The following RAC1 variants were observed in gnomAD, a reference collection of about 807,000 sequenced individuals.
RAC1 encodes Rac family small GTPase 1.
A neutral mutation model predicts 25.2 loss-of-function variants in RAC1; 2 were observed. That is an observed-to-expected ratio of 0.08 (90% confidence interval 0.03 to 0.25). The LOEUF is 0.25. Ranked by LOEUF, RAC1 falls within the 10% of genes least tolerant of loss-of-function variation. The pLI, the probability that RAC1 is intolerant of heterozygous loss-of-function variation, is 1.00. For synonymous variants in RAC1, 88 were observed against 94.0 expected, an observed-to-expected ratio of 0.94 and a Z score of 0.37; for missense variants, 50 against 235.7, an observed-to-expected ratio of 0.21 and a Z score of 5.16.
At chr7:6,378,421 C>T (rs1323744953) in intron 1 of RAC1, among the ~76,000 whole-genome samples, 1 of 151,988 alleles carries the variant, frequency 6.6e-6, no homozygotes, top group Non-Finnish European at 1.5e-5. Flanking sequence ...TGGTGGGCGC[C>T]TGTAATCCCA....
Position 6,401,968 on chromosome 7 carries a change from A to G in RAC1, c.389A>G (p.Lys130Arg), listed in dbSNP as rs5828. The G allele has an allele frequency of 6.2e-7, 1 of 1,614,208 alleles. No individual in the cohort carries two copies. The highest frequency in any genetic ancestry group is 8.5e-7 in the Non-Finnish European group (1 of 1,180,032). Reference sequence around the variant, plus strand: ...GATAAAGACACGATCGAGAAACTGAAGGAGAAGAAGCTGACTCCCATCACC... The same window carrying G: ...GATAAAGACACGATCGAGAAACTGAGGGAGAAGAAGCTGACTCCCATCACC... ...RDDKDTIEKL[K>R]EKKLTPITYP... is the part of the protein sequence containing the mutation. The change falls in exon 5 of 6, where the codon AAG (lysine) becomes AGG (arginine). Residue 130 changes from lysine (K) to arginine (R), a missense_variant. By Grantham distance (26) the Lys-to-Arg change is conservative. Coordinates refer to ENST00000348035, the MANE Select transcript of RAC1 (RefSeq NM_006908.5).
At chr7:6,382,470 C>T (rs896818099) in intron 1 of RAC1, among the ~76,000 whole-genome samples, 1 of 152,068 alleles carries the variant, frequency 6.6e-6, no homozygotes, top group Non-Finnish European at 1.5e-5. Context: ...TGAGGAAATT[C>T]CTAGCGTTTC....
intron 2 of RAC1, among the ~76,000 whole-genome samples, chr7:6,388,459 C>T (rs919374022): frequency 6.6e-6 from 1 of 150,886 alleles, no homozygotes; most frequent in Non-Finnish European, 1.5e-5. Flanking sequence ...GATTCTCTGC[C>T]TCAGCCTCCC....
In RAC1 at chr7:6,378,321, G is replaced by A. The variant is rs191141193; in HGVS notation, c.35+3551G>A. ...AGCACTTTGGGAGGCCGAGGCAGGCGGATCACCTGAGGTCAGGAGCTCGAG... is the reference window on the plus strand; with the variant it reads ...AGCACTTTGGGAGGCCGAGGCAGGCAGATCACCTGAGGTCAGGAGCTCGAG... On this transcript the variant is annotated intron_variant, in intron 1 of 5. Transcript: ENST00000348035. Among the ~76,000 whole-genome samples, 497 of 152,132 alleles carry A rather than the reference G, an allele frequency of 3.3e-3. 4 individuals carry two copies. Among genetic ancestry groups the A allele is most frequent in the Middle Eastern group, 0.014 (4 of 294 alleles).
In RAC1 at chr7:6,402,501, T is replaced by TCAAAAAAAAAAAAAAA. The variant is rs1783432108; in HGVS notation, c.*65_*66insAAAAAACAAAAAAAAA. 7.1e-6 allele frequency: 1 copy of TCAAAAAAAAAAAAAAA among 140,468 alleles called. No homozygotes were observed. Among genetic ancestry groups the TCAAAAAAAAAAAAAAA allele is most frequent in the African/African-American group, 1.8e-4 (1 of 5,464 alleles). The allele number at this position is 140,468 out of a possible 1,614,324, so 8.7% of individuals were successfully genotyped here. On this transcript the variant is annotated 3_prime_UTR_variant, in exon 6 of 6. Transcript: ENST00000348035. ...CCCTTGGAACCTTTGTACGCTTTGC[T>TCAAAAAAAAAAAAAAA]CAAAAAAAAACAAAAAAAAAAAACA...
At chr7:6,387,047 C>G (rs1207445339) in intron 1 of RAC1, among the ~76,000 whole-genome samples, 165 bp from the exon 2 acceptor site, 1 of 151,990 alleles carries the variant, frequency 6.6e-6, no homozygotes, top group Non-Finnish European at 1.5e-5. Flanking sequence ...TTCAGGGTAC[C>G]AATGTGTATG....
intron 2 of RAC1, among the ~76,000 whole-genome samples, chr7:6,389,305 G>GTAC (rs1783016873): frequency 6.6e-6 from 1 of 151,794 alleles, no homozygotes; most frequent in Admixed American, 6.6e-5. Context: ...TGGCCTCTTA[G>GTAC]TACACACTGC....
At chr7:6,390,096 C>T (rs1161170961) in intron 2 of RAC1, among the ~76,000 whole-genome samples, 16 of 74,910 alleles carry the variant, frequency 2.1e-4, no homozygotes, top group Admixed American at 2.1e-4. Context: ...CCCTCCCTCC[C>T]TTTTTTTTTT....
intron 1 of RAC1, among the ~76,000 whole-genome samples, chr7:6,381,653 C>G (rs181916771): frequency 3.7e-4 from 57 of 152,260 alleles, no homozygotes; most frequent in African/African-American, 1.3e-3. Flanking sequence ...CCTTGCCCTC[C>G]TAAAGTGCTA....
chr7:6,384,007 C>T (rs886238448), intron 1 of RAC1, among the ~76,000 whole-genome samples: 1 of 151,668 alleles, frequency 6.6e-6, no homozygotes, highest in African/African-American at 2.4e-5. Flanking sequence ...GTTGGTCAGG[C>T]TCTTCTCGAA....
chr7:6,382,294 TCTA>T (rs1782790255), intron 1 of RAC1, among the ~76,000 whole-genome samples: 1 of 152,194 alleles, frequency 6.6e-6, no homozygotes, highest in Non-Finnish European at 1.5e-5. Context: ...CTGGCCAAGA[TCTA>T]CTCACTTTTA....
chr7:6,402,224 C>T (rs940001279), intron 5 of RAC1, 92 bp from the exon 6 acceptor site: 6 of 1,510,302 alleles, frequency 4.0e-6, no homozygotes, highest in Middle Eastern at 1.9e-4. Context: ...CGGCAGAAGG[C>T]GCCCGGGCCC....
At chr7:6,399,471 C>T (rs577375028) in intron 3 of RAC1, among the ~76,000 whole-genome samples, 154 of 152,310 alleles carry the variant, frequency 1.0e-3, no homozygotes, top group Non-Finnish European at 1.6e-3. Context: ...TGGCGTGTGC[C>T]CCGAAGCACC....
At chr7:6,393,690 G>C (rs961942104) in intron 3 of RAC1, among the ~76,000 whole-genome samples, 8 of 152,272 alleles carry the variant, frequency 5.3e-5, no homozygotes, top group Admixed American at 3.3e-4. Context: ...TAAAATATTT[G>C]AGGAGCAAGG....
At chr7:6,383,784 CTTTTTTTTTTTTTTTTTTTTT>C (rs34847745) in intron 1 of RAC1, among the ~76,000 whole-genome samples, 1,238 of 39,978 alleles carry the variant, frequency 0.031, 69 homozygotes, top group African/African-American at 0.093. Flanking sequence ...CAACCTTTAT[CTTTTTTTTTTTTTTTTTTTTT>C]TTTTTTTTTT....
rs528715755 is a variant in RAC1 at position 6,374,846 on chromosome 7, A to G, written c.35+76A>G. 11 of 1,035,076 alleles carry G rather than the reference A, an allele frequency of 1.1e-5. No homozygotes were observed. The South Asian group carries it at 4.5e-4, about 42-fold the overall frequency. The allele number at this position is 1,035,076 out of a possible 1,614,324, so 64.1% of individuals were successfully genotyped here. On this transcript the variant is annotated intron_variant, in intron 1 of 5. Transcript: ENST00000348035. ...GGGGGTTGGGCCCGGACTGGGGCCC[A>G]GGCAGGCCGGCGTCCGCCGCGGTCT...
intron 3 of RAC1, among the ~76,000 whole-genome samples, chr7:6,394,414 A>T (rs942106039): frequency 2.0e-5 from 3 of 152,168 alleles, no homozygotes; most frequent in African/African-American, 7.2e-5. Context: ...CACAGAATCA[A>T]GTCTTGTCAG....
intron 1 of RAC1, chr7:6,375,799 G>C (rs927434591): frequency 2.6e-5 from 4 of 151,972 alleles, no homozygotes; most frequent in African/African-American, 9.7e-5. Context: ...GATTGTCCGT[G>C]ATGGTTACAG....
At chr7:6,383,718 C>T (rs1481498225) in intron 1 of RAC1, among the ~76,000 whole-genome samples, 2 of 145,660 alleles carry the variant, frequency 1.4e-5, no homozygotes, top group South Asian at 4.7e-4. Flanking sequence ...ACAGTCAAAA[C>T]CTTCATAGCA....
Sources: allele counts gnomAD v4.1 joint callset (sites outside exome capture counted in the v4.1 genomes callset), GRCh38; gene constraint gnomAD v4.1.1; transcripts MANE v1.5; gene names NCBI Gene and HGNC (gene_info 2026-07-23, HGNC 2026-07-21).